The following ARHGEF26 variants were observed in gnomAD, a reference collection of about 807,000 sequenced individuals.
The protein encoded by ARHGEF26 is Rho guanine nucleotide exchange factor 26, also known as Rho guanine nucleotide exchange factor (GEF) 26.
Under a neutral mutation model 89.4 loss-of-function variants are expected in ARHGEF26, and 59 were observed. The ratio of observed to expected loss-of-function variants is 0.66; its 90% CI spans 0.54 to 0.82. ARHGEF26 has a LOEUF of 0.82. Ranked by LOEUF, ARHGEF26 falls within the 40% of genes least tolerant of loss-of-function variation. The pLI is 0.00. For synonymous variants in ARHGEF26, 500 were observed against 428.4 expected, an observed-to-expected ratio of 1.17 and a Z score of -2.06; for missense variants, 1,234 against 1,085.6, an observed-to-expected ratio of 1.14 and a Z score of -1.92.
In ARHGEF26 at chr3:154,256,850, C is replaced by CTT. The variant is rs1157053300; in HGVS notation, c.*1379_*1380dup. ...CTCTTAACTGTGAGTTTCTATAGAA[C>CTT]TTTACTTTTTCCACTAGTGCACAGA... On this transcript the variant is annotated 3_prime_UTR_variant, in exon 15 of 15. Coordinates refer to ENST00000465093, the MANE Select transcript of ARHGEF26 (RefSeq NM_015595.4). 5 of 1,532,454 alleles carry CTT rather than the reference C, an allele frequency of 3.3e-6. No individual in the cohort carries two copies. Among genetic ancestry groups the CTT allele is most frequent in the African/African-American group, 1.4e-5 (1 of 72,792 alleles). 94.9% of individuals were successfully genotyped at this position (1,532,454 alleles called of 1,614,324 possible).
At chr3:154,149,515 T>C in intron 5 of ARHGEF26, 70 bp downstream of exon 5, 1 of 1,346,574 alleles carries the variant, frequency 7.4e-7, no homozygotes, top group East Asian at 2.4e-5. Flanking sequence ...TTTTGTGTTT[T>C]CACTTACTGT....
intron 4 of ARHGEF26, among the ~76,000 whole-genome samples, chr3:154,135,360 G>A (rs547187455): frequency 3.5e-4 from 53 of 152,232 alleles, no homozygotes; most frequent in African/African-American, 1.2e-3. Flanking sequence ...TACTTTATGT[G>A]CCTAGAGGTA....
Position 154,138,435 on chromosome 3 carries a change from A to G in ARHGEF26, c.1269+8716A>G, listed in dbSNP as rs528877966. Among the ~76,000 whole-genome samples, 7 of 152,304 alleles carry G rather than the reference A, an allele frequency of 4.6e-5. No individual in the cohort carries two copies. In the South Asian group the frequency reaches 1.2e-3, roughly 27 times the overall value. On this transcript the variant is annotated intron_variant, in intron 4 of 14. Transcript: ENST00000465093. Reference sequence around the variant, plus strand: ...GTTGGAACTTTATGTAACTCCTAAAAATATAGACAGAGATTGAGGAAAAAA... The same window carrying G: ...GTTGGAACTTTATGTAACTCCTAAAGATATAGACAGAGATTGAGGAAAAAA...
At chr3:154,138,823 G>T (rs979641844) in intron 4 of ARHGEF26, among the ~76,000 whole-genome samples, 1 of 152,166 alleles carries the variant, frequency 6.6e-6, no homozygotes, top group African/African-American at 2.4e-5. Context: ...GTCTATGGCA[G>T]GCCCTGGAGA....
chr3:154,149,573 A>G (rs963121751), intron 5 of ARHGEF26, 128 bp downstream of exon 5: 12 of 764,906 alleles, frequency 1.6e-5, no homozygotes, highest in Middle Eastern at 4.9e-4. Flanking sequence ...GTTTAACAAA[A>G]GCAGTAAGTG....
At chr3:154,128,130 A>G (rs938180896) in intron 3 of ARHGEF26, among the ~76,000 whole-genome samples, 1 of 152,190 alleles carries the variant, frequency 6.6e-6, no homozygotes, top group South Asian at 2.1e-4. Context: ...GTGTAAGATC[A>G]TTATGTTCTC....
chr3:154,143,455 C>T (rs1029729427), intron 4 of ARHGEF26, among the ~76,000 whole-genome samples: 2 of 152,130 alleles, frequency 1.3e-5, no homozygotes, highest in Admixed American at 1.3e-4. Context: ...AGCCCACATA[C>T]TAGCTCCTCA....
At position 154,212,908 on chromosome 3, in the gene ARHGEF26, A is replaced by G. The variant is rs370562567; in HGVS notation, c.1846-4961A>G. ...TGGTACCTATTTCATTTAACATTCT[A>G]AGTTGTGCTCCATTGAACATTGTCT... On this transcript the variant is annotated intron_variant, in intron 9 of 14. Coordinates refer to ENST00000465093, the MANE Select transcript of ARHGEF26 (RefSeq NM_015595.4). Among the ~76,000 whole-genome samples the G allele has an allele frequency of 2.0e-5, 3 of 152,200 alleles. No homozygotes were observed. The East Asian group carries it at 5.8e-4, about 29-fold the overall frequency.
At chr3:154,253,038 G>T in intron 12 of ARHGEF26, 78 bp from the exon 13 acceptor site, 1 of 1,520,472 alleles carries the variant, frequency 6.6e-7, no homozygotes, top group Non-Finnish European at 9.1e-7. Flanking sequence ...GAGTGCCTTT[G>T]CATTGGCTGC....
intron 11 of ARHGEF26, among the ~76,000 whole-genome samples, chr3:154,234,723 T>C (rs1717004994): frequency 6.6e-6 from 1 of 152,198 alleles, no homozygotes; most frequent in Non-Finnish European, 1.5e-5. Flanking sequence ...AGTCTTTGAA[T>C]TTCTGCAGCT....
intron 6 of ARHGEF26, among the ~76,000 whole-genome samples, chr3:154,157,638 A>G (rs1008479184): frequency 6.6e-6 from 1 of 152,230 alleles, no homozygotes; most frequent in East Asian, 1.9e-4. Flanking sequence ...TCCAAGGGAT[A>G]TTGAGAGATA....
intron 6 of ARHGEF26, among the ~76,000 whole-genome samples, chr3:154,180,835 G>T (rs1184069157): frequency 6.6e-6 from 1 of 151,948 alleles, no homozygotes; most frequent in Non-Finnish European, 1.5e-5. Context: ...CAGGATGTAG[G>T]TAGGATATTT....
chr3:154,226,156 C>A, intron 11 of ARHGEF26, 146 bp downstream of exon 11: 2 of 712,138 alleles, frequency 2.8e-6, no homozygotes, highest in Non-Finnish European at 2.1e-6. Flanking sequence ...ATCTATGGTT[C>A]ATTTTCTTTA....
At chr3:154,239,287 AGAGAGAGAGAGAGTGTGT>A (rs1420860228) in intron 11 of ARHGEF26, among the ~76,000 whole-genome samples, 283 of 104,234 alleles carry the variant, frequency 2.7e-3, no homozygotes, top group African/African-American at 9.1e-3. Flanking sequence ...AGAGAGAGAG[AGAGAGAGAGAGAGTGTGT>A]GTGTGTGTGT....
chr3:154,159,730 A>G (rs893628775), intron 6 of ARHGEF26, among the ~76,000 whole-genome samples: 2 of 152,170 alleles, frequency 1.3e-5, no homozygotes, highest in Admixed American at 1.3e-4. Context: ...CTATTTGGTA[A>G]TTAAAATTCT....
At chr3:154,128,187 C>G (rs1018705116) in intron 3 of ARHGEF26, among the ~76,000 whole-genome samples, 2 of 152,140 alleles carry the variant, frequency 1.3e-5, no homozygotes, top group African/African-American at 4.8e-5. Context: ...AATCAAAGTC[C>G]TTTAATGGCT....
At chr3:154,251,566 C>G (rs1022074970) in intron 12 of ARHGEF26, among the ~76,000 whole-genome samples, 3 of 152,108 alleles carry the variant, frequency 2.0e-5, no homozygotes, top group Non-Finnish European at 2.9e-5. Flanking sequence ...TACTGTTGAC[C>G]AGCAATATAA....
intron 3 of ARHGEF26, among the ~76,000 whole-genome samples, chr3:154,125,514 C>A (rs1382632272): frequency 6.6e-6 from 1 of 152,106 alleles, no homozygotes. Flanking sequence ...GGACACAGAT[C>A]GAGTTCTTAG....
chr3:154,140,287 G>C (rs934772025), intron 4 of ARHGEF26, among the ~76,000 whole-genome samples: 7 of 152,188 alleles, frequency 4.6e-5, no homozygotes, highest in African/African-American at 1.4e-4. Flanking sequence ...ACAATGCCAC[G>C]AGGGTAAGTA....
Sources: gnomAD v4.1 joint callset for allele counts (sites outside exome capture counted in the v4.1 genomes callset) on GRCh38, gnomAD v4.1.1 for gene constraint, MANE v1.5 for transcripts, NCBI Gene and HGNC (gene_info 2026-07-23, HGNC 2026-07-21) for gene names.